Variants in SAXO1 observed in about 807,000 individuals in gnomAD.
SAXO1 encodes 4930500O09Rik.
In SAXO1, 21 loss-of-function variants were observed where a neutral mutation model predicts 17.5. That is an observed-to-expected ratio of 1.20 (90% CI 0.85 to 1.72). SAXO1 has a LOEUF of 1.72. SAXO1 is among the 40% of genes most tolerant of loss of function. SAXO1 has a pLI of 0.00. For missense variants in SAXO1, 843 were observed against 596.0 expected, an observed-to-expected ratio of 1.41 and a Z score of -4.32; for synonymous variants, 274 against 216.5, an observed-to-expected ratio of 1.27 and a Z score of -2.33.
rs144022298 is a variant in SAXO1, at chr9:18,959,535, A to C, written c.39-8598T>G. Among the ~76,000 whole-genome samples the C allele has an allele frequency of 3.6e-3, 553 of 152,182 alleles. 4 individuals carry two copies. Among genetic ancestry groups the C allele is most frequent in the African/African-American group, 0.013 (522 of 41,528 alleles). ...CCTGTAATCCCAGCACTATAGGAGGACAGGGCCGATGGATCACCTGAGGTC... is the reference window on the plus strand; with the variant it reads ...CCTGTAATCCCAGCACTATAGGAGGCCAGGGCCGATGGATCACCTGAGGTC... On this transcript the variant is annotated intron_variant, in intron 1 of 3. Transcript: ENST00000380534.
intron 3 of SAXO1, among the ~76,000 whole-genome samples, chr9:18,933,909 A>C (rs6475270): frequency 0.87 from 131,434 of 151,924 alleles, 57,128 homozygotes; most frequent in African/African-American, 0.93. Context: ...AGCCAGGCGT[A>C]GTGGCGGGCG....
At chr9:18,986,411 T>C (rs1364396949) in intron 1 of SAXO1, among the ~76,000 whole-genome samples, 1 of 152,208 alleles carries the variant, frequency 6.6e-6, no homozygotes, top group Non-Finnish European at 1.5e-5. Context: ...TTTAACAGGA[T>C]AACTGTATTT....
At chr9:18,960,029 G>C (rs898288144) in intron 1 of SAXO1, among the ~76,000 whole-genome samples, 1 of 152,224 alleles carries the variant, frequency 6.6e-6, no homozygotes, top group Non-Finnish European at 1.5e-5. Flanking sequence ...AGGGATGCCA[G>C]CAAGAGCCAG....
intron 1 of SAXO1, among the ~76,000 whole-genome samples, chr9:19,005,635 G>T (rs1293048760): frequency 1.3e-5 from 2 of 152,114 alleles, no homozygotes; most frequent in Non-Finnish European, 2.9e-5. Flanking sequence ...AACTCAAAAT[G>T]GATCAAAGAC....
At chr9:18,938,694 T>C (rs759426769) in intron 3 of SAXO1, among the ~76,000 whole-genome samples, 1 of 152,104 alleles carries the variant, frequency 6.6e-6, no homozygotes, top group Non-Finnish European at 1.5e-5. Flanking sequence ...ATACTCACTC[T>C]TCTGTAGTTT....
At chr9:18,975,935 C>G (rs545542369) in intron 1 of SAXO1, among the ~76,000 whole-genome samples, 1 of 152,264 alleles carries the variant, frequency 6.6e-6, no homozygotes, top group East Asian at 1.9e-4. Flanking sequence ...TCCACGCAAA[C>G]AGAATTACAA....
chr9:19,015,024 G>A lies in SAXO1; in HGVS notation c.38+17847C>T, dbSNP rs553207500. Reference sequence around the variant, plus strand: ...GTAAGGCAAATCAGAGCTAAAAAACGAGAGAGAGTACTTCTGCTGATGATG... The same window carrying A: ...GTAAGGCAAATCAGAGCTAAAAAACAAGAGAGAGTACTTCTGCTGATGATG... On this transcript the variant is annotated intron_variant, in intron 1 of 3. Coordinates refer to ENST00000380534, the MANE Select transcript of SAXO1 (RefSeq NM_153707.4). Among the ~76,000 whole-genome samples the A allele has an allele frequency of 3.9e-5, 6 of 152,184 alleles. No homozygotes were observed. In the East Asian group the frequency reaches 9.7e-4, roughly 24 times the overall value.
intron 1 of SAXO1, among the ~76,000 whole-genome samples, chr9:18,952,996 T>G (rs548399910): frequency 6.6e-6 from 1 of 152,250 alleles, no homozygotes; most frequent in Non-Finnish European, 1.5e-5. Context: ...CCACAGCGGA[T>G]GCATGTTAAA....
At chr9:19,010,341 T>G (rs1450922987) in intron 1 of SAXO1, among the ~76,000 whole-genome samples, 2 of 152,284 alleles carry the variant, frequency 1.3e-5, no homozygotes, top group East Asian at 3.9e-4. Flanking sequence ...ATTTCCTGCA[T>G]GCTTCTGAAT....
intron 1 of SAXO1, among the ~76,000 whole-genome samples, chr9:18,972,248 A>C (rs558554112): frequency 6.6e-6 from 1 of 152,240 alleles, no homozygotes; most frequent in Non-Finnish European, 1.5e-5. Flanking sequence ...TTTACAAAAA[A>C]TAAGATTCAC....
At chr9:19,008,927 G>A (rs533230157) in intron 1 of SAXO1, among the ~76,000 whole-genome samples, 9 of 152,322 alleles carry the variant, frequency 5.9e-5, no homozygotes, top group East Asian at 5.8e-4. Flanking sequence ...TCACAGCACC[G>A]GAAGTTCATT....
At chr9:19,008,840 T>C (rs755721947) in intron 1 of SAXO1, among the ~76,000 whole-genome samples, 1 of 152,146 alleles carries the variant, frequency 6.6e-6, no homozygotes. Context: ...AGCAACTGTG[T>C]CTGGCAAACA....
chr9:19,022,375 T>C (rs1317791644), intron 1 of SAXO1, among the ~76,000 whole-genome samples: 2 of 152,216 alleles, frequency 1.3e-5, no homozygotes, highest in African/African-American at 2.4e-5. Flanking sequence ...AGACCAAGAA[T>C]CCACCAGAAG....
At chr9:19,043,919 C>T (rs1038969989) in intron 1 of SAXO1, among the ~76,000 whole-genome samples, 2 of 151,842 alleles carry the variant, frequency 1.3e-5, no homozygotes, top group African/African-American at 4.8e-5. Flanking sequence ...CTGAGGCAGG[C>T]GGATCACCTG....
chr9:19,027,686 A>G, intron 1 of SAXO1: 1 of 1,348,956 alleles, frequency 7.4e-7, no homozygotes, highest in Non-Finnish European at 1.1e-6. Context: ...CATCATCTTC[A>G]CTGATGAGCT....
chr9:18,988,642 A>C (rs1833688946), intron 1 of SAXO1, among the ~76,000 whole-genome samples: 1 of 152,190 alleles, frequency 6.6e-6, no homozygotes, highest in Non-Finnish European at 1.5e-5. Context: ...TTGGATAATC[A>C]ATGTATGCAC....
intron 1 of SAXO1, among the ~76,000 whole-genome samples, chr9:19,039,913 G>A (rs373936653): frequency 6.6e-6 from 1 of 152,112 alleles, no homozygotes; most frequent in Non-Finnish European, 1.5e-5. Context: ...ATTTTTAGTA[G>A]AGACAGGGTT....
intron 1 of SAXO1, among the ~76,000 whole-genome samples, chr9:19,015,505 G>A (rs1932454): frequency 0.27 from 40,411 of 151,930 alleles, 6,627 homozygotes; most frequent in Non-Finnish European, 0.35. Flanking sequence ...CACCACGCCC[G>A]GCTAATTTTT....
rs539576251 is a variant in SAXO1 at position 18,931,895 on chromosome 9, T to G, written c.422-2840A>C. ...TTATTGAGTTATAGAATTCTTTGCATGTTCTAAATACAAATCTTACACCAG... is the reference window on the plus strand; with the variant it reads ...TTATTGAGTTATAGAATTCTTTGCAGGTTCTAAATACAAATCTTACACCAG... On this transcript the variant is annotated intron_variant, in intron 3 of 3. Coordinates refer to ENST00000380534, the MANE Select transcript of SAXO1 (RefSeq NM_153707.4). Among the ~76,000 whole-genome samples, 469 of 152,362 alleles carry G rather than the reference T, an allele frequency of 3.1e-3. 3 individuals are homozygous for G. Among genetic ancestry groups the G allele is most frequent in the African/African-American group, 0.011 (447 of 41,578 alleles).
Sources: allele counts gnomAD v4.1 joint callset (sites outside exome capture counted in the v4.1 genomes callset), GRCh38; gene constraint gnomAD v4.1.1; transcripts MANE v1.5; gene names NCBI Gene and HGNC (gene_info 2026-07-23, HGNC 2026-07-21).